The following TEAD1 variants were observed in gnomAD, a reference collection of about 807,000 sequenced individuals.
TEAD1 encodes TEA domain transcription factor 1, also known as transcriptional enhancer factor TEF-1.
A neutral mutation model predicts 54.9 loss-of-function variants in TEAD1; 9 were observed. The observed-to-expected ratio is 0.16, with a 90% CI of 0.10 to 0.29. The LOEUF (loss-of-function observed/expected upper bound fraction) is 0.29, where lower values mean the gene tolerates loss of function less well. Ranked by LOEUF, TEAD1 falls within the 10% of genes least tolerant of loss-of-function variation. The pLI, the probability that TEAD1 is intolerant of heterozygous loss-of-function variation, is 1.00. For missense variants in TEAD1, 387 were observed against 535.9 expected (o/e 0.72, Z 2.74); for synonymous variants, 200 against 187.8 (o/e 1.07, Z -0.53).
chr11:12,935,649 G>C (rs1212986223), intron 12 of TEAD1, among the ~76,000 whole-genome samples: 1 of 152,000 alleles, frequency 6.6e-6, no homozygotes, highest in East Asian at 1.9e-4. Context: ...TAGTAGAGAC[G>C]GGGTTTCACA....
At chr11:12,737,328 C>CA (rs5789738) in intron 2 of TEAD1, among the ~76,000 whole-genome samples, 66,783 of 131,696 alleles carry the variant, frequency 0.51, 16,010 homozygotes, top group East Asian at 0.72. Flanking sequence ...AAAGACTAAG[C>CA]AAAAAAAAAA....
At chr11:12,837,526 C>T (rs1946918313) in intron 3 of TEAD1, among the ~76,000 whole-genome samples, 2 of 152,048 alleles carry the variant, frequency 1.3e-5, no homozygotes, top group South Asian at 4.1e-4. Flanking sequence ...GCCTGGAAGC[C>T]CAAGAGATCA....
chr11:12,776,640 T>C (rs1001460835), intron 3 of TEAD1, among the ~76,000 whole-genome samples: 2 of 151,876 alleles, frequency 1.3e-5, no homozygotes, highest in African/African-American at 4.8e-5. Context: ...ATCGGCTTGA[T>C]AGTGACCTGC....
chr11:12,843,831 G>GT (rs1363722408), intron 3 of TEAD1, among the ~76,000 whole-genome samples: 2 of 152,156 alleles, frequency 1.3e-5, no homozygotes, highest in Non-Finnish European at 2.9e-5. Flanking sequence ...AAAATCAGAT[G>GT]TTTCTGTGGT....
chr11:12,680,255 A>G (rs1943189041), intron 2 of TEAD1, among the ~76,000 whole-genome samples: 1 of 152,242 alleles, frequency 6.6e-6, no homozygotes, highest in Admixed American at 6.5e-5. Context: ...TTTCAAAGAA[A>G]AAAACTAAAT....
intron 2 of TEAD1, among the ~76,000 whole-genome samples, chr11:12,761,722 C>T (rs1261334063): frequency 2.0e-5 from 3 of 152,108 alleles, no homozygotes; most frequent in Non-Finnish European, 4.4e-5. Flanking sequence ...AAATGGGTAT[C>T]TTAGGAGAGA....
intron 10 of TEAD1, among the ~76,000 whole-genome samples, chr11:12,908,590 A>C (rs1039500860): frequency 6.6e-6 from 1 of 152,220 alleles, no homozygotes; most frequent in Non-Finnish European, 1.5e-5. Flanking sequence ...TGAATAAACT[A>C]TTACCAGGAA....
chr11:12,788,643 T>C (rs1345564764), intron 3 of TEAD1, among the ~76,000 whole-genome samples: 1 of 152,236 alleles, frequency 6.6e-6, no homozygotes, highest in African/African-American at 2.4e-5. Flanking sequence ...GTGAAGCATG[T>C]AAGACGTGGT....
intron 5 of TEAD1, among the ~76,000 whole-genome samples, chr11:12,873,213 TG>T (rs1226252811): frequency 6.6e-6 from 1 of 152,224 alleles, no homozygotes; most frequent in East Asian, 1.9e-4. Context: ...AACTTGAGCC[TG>T]GAGCCAGTTT....
chr11:12,896,033 A>G (rs1948309444), intron 9 of TEAD1, among the ~76,000 whole-genome samples: 1 of 147,584 alleles, frequency 6.8e-6, no homozygotes, highest in African/African-American at 2.5e-5. Flanking sequence ...CTTATATCAC[A>G]TTAAAAAAAA....
intron 2 of TEAD1, among the ~76,000 whole-genome samples, chr11:12,695,148 TG>T (rs1943553798): frequency 6.6e-6 from 1 of 152,244 alleles, no homozygotes; most frequent in Non-Finnish European, 1.5e-5. Context: ...ATTTTGTGTT[TG>T]GGTAATTTTC....
At chr11:12,909,536 C>T (rs555245785) in intron 10 of TEAD1, among the ~76,000 whole-genome samples, 66 of 141,392 alleles carry the variant, frequency 4.7e-4, no homozygotes, top group African/African-American at 1.6e-3. Context: ...GGGTGGGGGG[C>T]GAGGGGAGGG....
chr11:12,820,737 C>G (rs1253048867), intron 3 of TEAD1, among the ~76,000 whole-genome samples: 2 of 152,198 alleles, frequency 1.3e-5, no homozygotes, highest in Non-Finnish European at 2.9e-5. Context: ...TTGGCCTGTG[C>G]AGGCTGTGGG....
At chr11:12,866,527 T>C (rs1947621019) in intron 5 of TEAD1, among the ~76,000 whole-genome samples, 1 of 152,216 alleles carries the variant, frequency 6.6e-6, no homozygotes, top group Non-Finnish European at 1.5e-5. Flanking sequence ...GCTTTATACA[T>C]GTACATATGT....
intron 3 of TEAD1, among the ~76,000 whole-genome samples, chr11:12,858,564 G>A (rs1165583213): frequency 1.3e-5 from 2 of 152,108 alleles, no homozygotes; most frequent in African/African-American, 4.8e-5. Context: ...TTTAAGGGAA[G>A]ATTTTATAAT....
intron 12 of TEAD1, among the ~76,000 whole-genome samples, chr11:12,935,423 A>C (rs529397694): frequency 1.8e-4 from 27 of 151,592 alleles, no homozygotes; most frequent in Admixed American, 3.3e-4. Flanking sequence ...TCTGATGTGA[A>C]TTTTCATTCA....
intron 3 of TEAD1, among the ~76,000 whole-genome samples, chr11:12,860,370 A>G (rs1245627069): frequency 6.6e-6 from 1 of 152,226 alleles, no homozygotes; most frequent in Non-Finnish European, 1.5e-5. Context: ...ACCTAGGGGT[A>G]CTTTCTAGCC....
At chr11:12,845,969 C>T (rs534250713) in intron 3 of TEAD1, among the ~76,000 whole-genome samples, 4 of 152,298 alleles carry the variant, frequency 2.6e-5, no homozygotes, top group Admixed American at 1.3e-4. Flanking sequence ...ATCCAGCAGC[C>T]GAGCATGCTT....
chr11:12,782,422 G>A lies in TEAD1; in HGVS notation c.202+17988G>A, dbSNP rs369770587. Among the ~76,000 whole-genome samples the A allele has an allele frequency of 5.9e-5, 9 of 152,274 alleles. No individual in the cohort carries two copies. The East Asian group carries it at 9.7e-4, about 16-fold the overall frequency. ...TGAATCATACGAAATGCCCGGAATAGGTCAGTCTACAGAAGCAGGAAGCAG... is the reference window on the plus strand; with the variant it reads ...TGAATCATACGAAATGCCCGGAATAAGTCAGTCTACAGAAGCAGGAAGCAG... On this transcript the variant is annotated intron_variant, in intron 3 of 12. Coordinates refer to ENST00000527636, the MANE Select transcript of TEAD1 (RefSeq NM_021961.6).
Sources: gnomAD v4.1 joint callset for allele counts (sites outside exome capture counted in the v4.1 genomes callset) on GRCh38, gnomAD v4.1.1 for gene constraint, MANE v1.5 for transcripts, NCBI Gene and HGNC (gene_info 2026-07-23, HGNC 2026-07-21) for gene names.